The following AGMO variants were observed in gnomAD, a reference collection of about 807,000 sequenced individuals.
AGMO encodes the protein glyceryl-ether monooxygenase.
A neutral mutation model predicts 60.2 loss-of-function variants in AGMO; 75 were observed. The observed-to-expected ratio is 1.25, with a 90% CI of 1.03 to 1.51. The LOEUF is 1.51. Among genes scored for constraint, AGMO ranks in the 40% most tolerant of loss-of-function variants. AGMO has a pLI of 0.00. For missense variants in AGMO, 763 were observed against 525.5 expected, an observed-to-expected ratio of 1.45 and a Z score of -4.42; for synonymous variants, 261 against 177.1, an observed-to-expected ratio of 1.47 and a Z score of -3.76.
At chr7:15,518,778 C>T (rs1554281962) in intron 3 of AGMO, among the ~76,000 whole-genome samples, 1 of 151,958 alleles carries the variant, frequency 6.6e-6, no homozygotes, top group African/African-American at 2.4e-5. Context: ...TATCACAACT[C>T]CTCGCCAGCA....
At chr7:15,511,061 A>G (rs1783659473) in intron 3 of AGMO, among the ~76,000 whole-genome samples, 1 of 152,104 alleles carries the variant, frequency 6.6e-6, no homozygotes, top group African/African-American at 2.4e-5. Context: ...CTATACATAC[A>G]TTTAAGAAAG....
the AGMO span, among the ~76,000 whole-genome samples, chr7:15,191,341 T>C: frequency 6.6e-6 from 1 of 152,118 alleles, no homozygotes; most frequent in Admixed American, 6.6e-5. Context: ...ATTCTTATAT[T>C]TTAGGTTGCA....
At chr7:15,451,484 G>C (rs7781733) in intron 3 of AGMO, among the ~76,000 whole-genome samples, 4 of 151,852 alleles carry the variant, frequency 2.6e-5, no homozygotes, top group Non-Finnish European at 5.9e-5. Context: ...ATTCTAAGAT[G>C]AAGTCACCAG....
chr7:15,477,140 T>TA (rs1782615815), intron 3 of AGMO, among the ~76,000 whole-genome samples: 1 of 152,018 alleles, frequency 6.6e-6, no homozygotes, highest in Admixed American at 6.6e-5. Context: ...TCTTTTTTTT[T>TA]ACAAAGAGAA....
intron 12 of AGMO, among the ~76,000 whole-genome samples, chr7:15,212,247 T>TACAC (rs57236152): frequency 0.13 from 18,787 of 146,218 alleles, 1,257 homozygotes; most frequent in East Asian, 0.18. Flanking sequence ...AGGTGTGGAG[T>TACAC]ACACACACAC....
At position 15,459,599 on chromosome 7, in the gene AGMO, T is replaced by TTGTGTGTGTGTGTGTG. The variant is rs754526222; in HGVS notation, c.410-28507_410-28492dup. Among the ~76,000 whole-genome samples the TTGTGTGTGTGTGTGTG allele has an allele frequency of 3.1e-3, 448 of 142,226 alleles. 4 individuals are homozygous for TTGTGTGTGTGTGTGTG. The highest frequency in any genetic ancestry group is 8.0e-3 in the African/African-American group (305 of 38,066). The allele number at this position is 142,226 out of a possible 152,430, so 93.3% of individuals were successfully genotyped here. A position where few individuals can be genotyped will look rare whatever the true frequency, so the allele number is the denominator to read the frequency against. ...GATCTTTAAATGTGTGTATGTGCGT[T>TTGTGTGTGTGTGTGTG]TGTGTGTGTGTGTGTGTGTGTGTGT... On this transcript the variant is annotated intron_variant, in intron 3 of 12. Coordinates refer to ENST00000342526, the MANE Select transcript of AGMO (RefSeq NM_001004320.2).
chr7:15,390,775 A>C, intron 7 of AGMO, 25 bp from the exon 8 acceptor site: 3 of 1,596,602 alleles, frequency 1.9e-6, no homozygotes, highest in Non-Finnish European at 2.6e-6. Context: ...TAAAGATATG[A>C]GATTTGGCTT....
intron 3 of AGMO, among the ~76,000 whole-genome samples, chr7:15,451,359 A>G (rs1488978186): frequency 6.6e-6 from 1 of 152,204 alleles, no homozygotes; most frequent in Non-Finnish European, 1.5e-5. Flanking sequence ...GGGTAATTAC[A>G]TACAGTAGTT....
intron 10 of AGMO, among the ~76,000 whole-genome samples, chr7:15,374,674 T>C (rs1209787301): frequency 6.6e-6 from 1 of 151,976 alleles, no homozygotes; most frequent in Non-Finnish European, 1.5e-5. Flanking sequence ...CTCAGGGAAA[T>C]AGGATACAAA....
At chr7:15,336,904 A>G (rs939309413) in intron 12 of AGMO, among the ~76,000 whole-genome samples, 2 of 152,194 alleles carry the variant, frequency 1.3e-5, no homozygotes, top group Non-Finnish European at 2.9e-5. Context: ...CAAACCACAT[A>G]AAACCATTTT....
In AGMO at chr7:15,276,891, C is replaced by CT. The variant is rs34137663; in HGVS notation, c.1264-75533dup. ...TTTCCAGAACTCTGTGCCATTTTTC[C>CT]TTTTTTTTTTTTTTTAAGATATCTA... On this transcript the variant is annotated intron_variant, in intron 12 of 12. Transcript: ENST00000342526. 3.6e-3 allele frequency among the ~76,000 whole-genome samples: 498 copies of CT among 139,396 alleles called. 3 individuals are homozygous for CT. The highest frequency in any genetic ancestry group is 5.4e-3 in the Non-Finnish European group (351 of 64,608). 91.4% of individuals were successfully genotyped at this position (139,396 alleles called of 152,430 possible). A position where few individuals can be genotyped will look rare whatever the true frequency, so the allele number is the denominator to read the frequency against.
chr7:15,195,075 G>A, the AGMO span, among the ~76,000 whole-genome samples: 1 of 152,168 alleles, frequency 6.6e-6, no homozygotes, highest in Non-Finnish European at 1.5e-5. Flanking sequence ...GTTACAGGGA[G>A]AGCTCCCTTC....
At chr7:15,417,546 G>T (rs574917889) in intron 5 of AGMO, among the ~76,000 whole-genome samples, 2 of 152,308 alleles carry the variant, frequency 1.3e-5, no homozygotes, top group African/African-American at 4.8e-5. Flanking sequence ...TTGACCTCTA[G>T]AGTCAGAATT....
chr7:15,290,029 T>C (rs1426854953), intron 12 of AGMO, among the ~76,000 whole-genome samples: 2 of 102,656 alleles, frequency 1.9e-5, no homozygotes, highest in African/African-American at 8.1e-5. Flanking sequence ...CCACCTTAAG[T>C]TGATTTTTTT....
chr7:15,389,536 C>T (rs1303111186), intron 8 of AGMO, among the ~76,000 whole-genome samples: 1 of 152,128 alleles, frequency 6.6e-6, no homozygotes. Context: ...GAGATAACCA[C>T]CTTTCTTCTT....
intron 10 of AGMO, among the ~76,000 whole-genome samples, chr7:15,381,237 C>G (rs1352715306): frequency 6.6e-6 from 1 of 152,058 alleles, no homozygotes; most frequent in Non-Finnish European, 1.5e-5. Context: ...ACAGAGTGAA[C>G]AGACAACCTA....
chr7:15,454,034 A>T (rs1001090958), intron 3 of AGMO, among the ~76,000 whole-genome samples: 4 of 148,642 alleles, frequency 2.7e-5, no homozygotes, highest in Non-Finnish European at 4.5e-5. Context: ...TATATTTTTT[A>T]TATATATATA....
At position 15,297,758 on chromosome 7, in the gene AGMO, T is replaced by G. The variant is rs372256048; in HGVS notation, c.1263+67756A>C. Reference sequence around the variant, plus strand: ...TGCTCTAAGAATATTTCCATGAAATTATTGTCATATATGGAAAGAGAATTA... The same window carrying G: ...TGCTCTAAGAATATTTCCATGAAATGATTGTCATATATGGAAAGAGAATTA... On this transcript the variant is annotated intron_variant, in intron 12 of 12. Transcript: ENST00000342526. 8.5e-5 allele frequency among the ~76,000 whole-genome samples: 13 copies of G among 152,322 alleles called. No homozygotes were observed. The East Asian group carries it at 1.5e-3, about 18-fold the overall frequency.
chr7:15,189,564 G>C, the AGMO span, among the ~76,000 whole-genome samples: 1 of 152,118 alleles, frequency 6.6e-6, no homozygotes, highest in Middle Eastern at 3.4e-3. Context: ...GTTTTTTGAA[G>C]TGAAGTCAGC....
Sources: gnomAD v4.1 joint callset for allele counts (sites outside exome capture counted in the v4.1 genomes callset) on GRCh38, gnomAD v4.1.1 for gene constraint, MANE v1.5 for transcripts, NCBI Gene and HGNC (gene_info 2026-07-23, HGNC 2026-07-21) for gene names.